Variants in CCSER1 observed in about 807,000 individuals in gnomAD.
The protein encoded by CCSER1 is coiled-coil serine rich protein 1.
In CCSER1, 41 loss-of-function variants were observed where a neutral mutation model predicts 82.0. The ratio of observed to expected loss-of-function variants is 0.50; its 90% CI spans 0.39 to 0.65. The LOEUF is 0.65. CCSER1 is among the 30% of genes least tolerant of loss of function. The pLI, the probability that CCSER1 is intolerant of heterozygous loss-of-function variation, is 0.00. For synonymous variants in CCSER1, 414 were observed against 383.9 expected (o/e 1.08, Z -0.92); for missense variants, 1,119 against 1,064.2 (o/e 1.05, Z -0.72).
intron 7 of CCSER1, chr4:90,780,677 GA>G: frequency 7.5e-7 from 1 of 1,339,536 alleles, no homozygotes; most frequent in Non-Finnish European, 9.5e-7. Flanking sequence ...ATGAACTAAG[GA>G]GGCTCTGTAA....
At chr4:91,053,789 T>C (rs1743202138) in intron 9 of CCSER1, among the ~76,000 whole-genome samples, 1 of 152,244 alleles carries the variant, frequency 6.6e-6, no homozygotes, top group Non-Finnish European at 1.5e-5. Flanking sequence ...CTTTGTTCAC[T>C]TAATAGTGTA....
intron 6 of CCSER1, among the ~76,000 whole-genome samples, chr4:90,659,381 T>A (rs1730331311): frequency 6.6e-6 from 1 of 152,138 alleles, no homozygotes; most frequent in African/African-American, 2.4e-5. Context: ...AAAAAGTGAC[T>A]TTTCCCTCTT....
chr4:90,276,185 G>GTTTTCT (rs1553984422), intron 1 of CCSER1, among the ~76,000 whole-genome samples: 6 of 129,908 alleles, frequency 4.6e-5, no homozygotes, highest in African/African-American at 1.4e-4. Flanking sequence ...CTTGAACACT[G>GTTTTCT]TTTTCTTTCT....
At chr4:91,042,999 G>A (rs964092612) in intron 9 of CCSER1, among the ~76,000 whole-genome samples, 1 of 151,954 alleles carries the variant, frequency 6.6e-6, no homozygotes, top group Non-Finnish European at 1.5e-5. Context: ...ATATTATACA[G>A]AGCTCTCAAG....
chr4:91,598,223 T>G (rs1764671057), intron 10 of CCSER1, among the ~76,000 whole-genome samples: 1 of 152,200 alleles, frequency 6.6e-6, no homozygotes, highest in South Asian at 2.1e-4. Context: ...TATTCATCAC[T>G]TATTAAAATA....
chr4:90,645,328 A>C (rs1197701641), intron 6 of CCSER1, among the ~76,000 whole-genome samples: 1 of 152,208 alleles, frequency 6.6e-6, no homozygotes, highest in Non-Finnish European at 1.5e-5. Context: ...TCGATGAAAC[A>C]GAGATGTGTT....
At chr4:90,847,082 A>G (rs369790641) in intron 8 of CCSER1, among the ~76,000 whole-genome samples, 5 of 152,174 alleles carry the variant, frequency 3.3e-5, no homozygotes, top group Non-Finnish European at 4.4e-5. Flanking sequence ...TTATTTACCA[A>G]TATGTTCTTA....
At chr4:90,731,938 A>T (rs1351071463) in intron 7 of CCSER1, among the ~76,000 whole-genome samples, 1 of 152,048 alleles carries the variant, frequency 6.6e-6, no homozygotes, top group Non-Finnish European at 1.5e-5. Flanking sequence ...GAATGGGGTC[A>T]TCTGAAGGCT....
chr4:90,796,455 T>G (rs540494925), intron 7 of CCSER1, among the ~76,000 whole-genome samples: 68 of 151,758 alleles, frequency 4.5e-4, no homozygotes, highest in Admixed American at 9.2e-4. Flanking sequence ...GATTTGTGGA[T>G]CTTTTGAAGG....
rs1242427534 is a variant in CCSER1, at chr4:90,953,451, T to A, written c.2172+30004T>A. ...ATTCAGTAAATATTTATTGAACATT[T>A]ACTATTGTCAAGGCAATTAGATAAA... On this transcript the variant is annotated intron_variant, in intron 9 of 10. Transcript: ENST00000509176. 2.6e-5 allele frequency among the ~76,000 whole-genome samples: 4 copies of A among 151,668 alleles called. No individual in the cohort carries two copies. In the East Asian group the frequency reaches 7.7e-4, roughly 29 times the overall value.
chr4:90,230,496 C>A (rs1744256864), intron 1 of CCSER1, among the ~76,000 whole-genome samples: 1 of 151,826 alleles, frequency 6.6e-6, no homozygotes, highest in Non-Finnish European at 1.5e-5. Flanking sequence ...ATTTATAGCA[C>A]TAAATGCCCA....
chr4:90,611,059 C>CTTTTTTTCTTTT (rs1785419407), intron 5 of CCSER1, among the ~76,000 whole-genome samples: 1 of 93,808 alleles, frequency 1.1e-5, no homozygotes, highest in Non-Finnish European at 1.9e-5. Flanking sequence ...CTTTTCTTTT[C>CTTTTTTTCTTTT]TTTTTTTTTT....
At chr4:90,780,502 G>A (rs1753624697) in intron 7 of CCSER1, 3 of 1,611,874 alleles carry the variant, frequency 1.9e-6, no homozygotes, top group Non-Finnish European at 1.7e-6. Flanking sequence ...TGGGGTTCAG[G>A]AGGCCTAGAT....
At chr4:91,413,159 T>C (rs1039400583) in intron 10 of CCSER1, among the ~76,000 whole-genome samples, 6 of 151,938 alleles carry the variant, frequency 3.9e-5, no homozygotes, top group African/African-American at 1.5e-4. Context: ...CAAAGATAGG[T>C]TGGCCAGGCA....
At chr4:90,128,040 C>G (rs1362681415) in intron 1 of CCSER1, among the ~76,000 whole-genome samples, 1 of 151,868 alleles carries the variant, frequency 6.6e-6, no homozygotes, top group Non-Finnish European at 1.5e-5. Context: ...CGGGCGGGCT[C>G]GCTCACCACC....
chr4:91,233,643 T>G (rs1032055544), intron 10 of CCSER1, among the ~76,000 whole-genome samples: 7 of 151,984 alleles, frequency 4.6e-5, no homozygotes, highest in Non-Finnish European at 1.0e-4. Context: ...GTTGATAATT[T>G]GAACTTCAGC....
At chr4:90,534,186 G>A (rs1303371234) in intron 5 of CCSER1, among the ~76,000 whole-genome samples, 3 of 152,220 alleles carry the variant, frequency 2.0e-5, no homozygotes, top group Non-Finnish European at 4.4e-5. Context: ...CTGGAGAGCA[G>A]TGGCTCAATC....
At chr4:91,062,488 A>G (rs1230566565) in intron 9 of CCSER1, among the ~76,000 whole-genome samples, 1 of 152,090 alleles carries the variant, frequency 6.6e-6, no homozygotes. Flanking sequence ...TAATATTGCA[A>G]CTTTTGGTCC....
intron 1 of CCSER1, among the ~76,000 whole-genome samples, chr4:90,295,767 G>T (rs891929220): frequency 6.6e-6 from 1 of 151,934 alleles, no homozygotes; most frequent in Non-Finnish European, 1.5e-5. Flanking sequence ...GCTTTCCCAT[G>T]GGATCAGTCT....
Sources: gnomAD v4.1 joint callset for allele counts (sites outside exome capture counted in the v4.1 genomes callset) on GRCh38, gnomAD v4.1.1 for gene constraint, MANE v1.5 for transcripts, NCBI Gene and HGNC (gene_info 2026-07-23, HGNC 2026-07-21) for gene names.